RBFOX1: variants seen among roughly 807,000 people sequenced by gnomAD.
RBFOX1 encodes the protein RNA binding protein fox-1 homolog 1.
Under a neutral mutation model 57.7 loss-of-function variants are expected in RBFOX1, and 8 were observed. The observed-to-expected ratio is 0.14, with a 90% CI of 0.08 to 0.25. RBFOX1 has a LOEUF of 0.25. Ranked by LOEUF, RBFOX1 falls within the 10% of genes least tolerant of loss-of-function variation. The probability of loss-of-function intolerance (pLI) is 1.00; values close to 1 mark genes in which losing one functional copy is unlikely to be tolerated. For missense variants in RBFOX1, 611 were observed against 548.5 expected (o/e 1.11, Z -1.14); for synonymous variants, 326 against 222.4 (o/e 1.47, Z -4.15).
At chr16:6,073,434 T>A (rs771192480) in intron 1 of RBFOX1, among the ~76,000 whole-genome samples, 2 of 152,218 alleles carry the variant, frequency 1.3e-5, no homozygotes, top group Non-Finnish European at 2.9e-5. Context: ...ATGTGGCATT[T>A]GGGAACTGAA....
rs565643286 is a variant in RBFOX1 at position 6,195,158 on chromosome 16, A to G, written c.-126-121837A>G. ...AGATGGCTTAAGAAAGGTATTAATC[A>G]TACGACATATTTTCCTTTATAAAAT... On this transcript the variant is annotated intron_variant, in intron 1 of 15. Transcript: ENST00000550418. 1.4e-4 allele frequency among the ~76,000 whole-genome samples: 22 copies of G among 152,342 alleles called. No homozygotes were observed. The South Asian group carries it at 4.3e-3, about 30-fold the overall frequency.
chr16:7,391,068 A>G (rs960703167), intron 4 of RBFOX1, among the ~76,000 whole-genome samples: 34 of 152,102 alleles, frequency 2.2e-4, no homozygotes, highest in Admixed American at 1.0e-3. Context: ...TTCTGCTCCT[A>G]GTCCTTAAGA....
intron 3 of RBFOX1, among the ~76,000 whole-genome samples, chr16:6,901,102 G>C (rs557307608): frequency 6.6e-6 from 1 of 152,254 alleles, no homozygotes; most frequent in South Asian, 2.1e-4. Context: ...ACCCTGTATT[G>C]TAAATTTCCT....
chr16:7,548,994 C>T (rs768606621), intron 5 of RBFOX1, among the ~76,000 whole-genome samples: 15 of 152,166 alleles, frequency 9.9e-5, no homozygotes, highest in Non-Finnish European at 1.9e-4. Flanking sequence ...CGAAGAAACA[C>T]ATCAGAGTAA....
intron 4 of RBFOX1, among the ~76,000 whole-genome samples, chr16:7,361,944 G>T (rs1302924744): frequency 6.6e-6 from 1 of 151,450 alleles, no homozygotes; most frequent in Non-Finnish European, 1.5e-5. Flanking sequence ...GTATGTGTGT[G>T]CATGTTTTGT....
chr16:5,747,562 G>A (rs908587064), intron 3 of RBFOX1, among the ~76,000 whole-genome samples: 1 of 152,156 alleles, frequency 6.6e-6, no homozygotes, highest in Non-Finnish European at 1.5e-5. Flanking sequence ...TTGAGAGCCT[G>A]TGATTCGTCT....
At chr16:5,664,726 C>G (rs1048709159) in intron 3 of RBFOX1, among the ~76,000 whole-genome samples, 3 of 152,142 alleles carry the variant, frequency 2.0e-5, no homozygotes, top group Non-Finnish European at 2.9e-5. Context: ...GAAATACTGA[C>G]TCTTGGTCCA....
intron 5 of RBFOX1, among the ~76,000 whole-genome samples, chr16:7,533,363 C>T (rs906386303): frequency 6.6e-6 from 1 of 152,132 alleles, no homozygotes; most frequent in African/African-American, 2.4e-5. Flanking sequence ...AGAAATACAA[C>T]ATTTTCTTCC....
chr16:7,205,001 C>G (rs145586026), intron 4 of RBFOX1, among the ~76,000 whole-genome samples: 145 of 152,314 alleles, frequency 9.5e-4, no homozygotes, highest in African/African-American at 3.3e-3. Flanking sequence ...TTATCCTACA[C>G]TCTCTTTTCC....
chr16:7,246,173 C>G (rs778432571), intron 4 of RBFOX1, among the ~76,000 whole-genome samples: 2 of 152,150 alleles, frequency 1.3e-5, no homozygotes, highest in Admixed American at 6.5e-5. Flanking sequence ...GAAGCCAAGA[C>G]TAATTTAGAA....
chr16:7,253,388 A>G (rs1249876851), intron 4 of RBFOX1, among the ~76,000 whole-genome samples: 1 of 152,010 alleles, frequency 6.6e-6, no homozygotes, highest in African/African-American at 2.4e-5. Context: ...ACTGCTTTGC[A>G]TGGTGTTCTC....
intron 4 of RBFOX1, among the ~76,000 whole-genome samples, chr16:7,265,081 C>G (rs2095074597): frequency 1.3e-5 from 2 of 152,234 alleles, no homozygotes; most frequent in South Asian, 4.1e-4. Context: ...CTCCCAGACC[C>G]TTTGTTCTAG....
At position 5,596,253 on chromosome 16, in the gene RBFOX1, C is replaced by G. The variant is rs180865409; in HGVS notation, c.259-2649C>G. Among the ~76,000 whole-genome samples the G allele has an allele frequency of 1.9e-3, 290 of 152,278 alleles. 1 individual carries two copies. Among genetic ancestry groups the G allele is most frequent in the South Asian group, 3.5e-3 (17 of 4,820 alleles). ...GTGTGAGTCCTAACTTGTCTATTTCCAGGCTCTGGGATACTGGTTGCCTAG... is the reference window on the plus strand; with the variant it reads ...GTGTGAGTCCTAACTTGTCTATTTCGAGGCTCTGGGATACTGGTTGCCTAG... On this transcript the variant is annotated intron_variant, in intron 2 of 2. Transcript: ENST00000585867.
rs2046042482 is a variant in RBFOX1 at position 7,041,139 on chromosome 16, T to A, written c.-15-10918T>A. ...TTAGTAAATACGGGGTTTCACCATG[T>A]TGGTCAGGCTGGTGTCGAACATCTG... On this transcript the variant is annotated intron_variant, in intron 3 of 15. Transcript: ENST00000550418. Among the ~76,000 whole-genome samples, 8 of 148,978 alleles carry A rather than the reference T, an allele frequency of 5.4e-5. No individual in the cohort carries two copies. In the Admixed American group the frequency reaches 5.4e-4, roughly 10 times the overall value.
intron 3 of RBFOX1, among the ~76,000 whole-genome samples, chr16:6,839,831 T>C (rs2141391735): frequency 6.6e-6 from 1 of 152,354 alleles, no homozygotes; most frequent in East Asian, 1.9e-4. Context: ...CTCATAGCTA[T>C]AATCATACCT....
At chr16:7,332,819 C>A (rs1355935141) in intron 4 of RBFOX1, 2 of 1,419,658 alleles carry the variant, frequency 1.4e-6, no homozygotes, top group Admixed American at 2.8e-5. Flanking sequence ...AAAACTTTCA[C>A]ATTAAGAGTT....
chr16:7,303,505 C>T (rs2096083569), intron 4 of RBFOX1, among the ~76,000 whole-genome samples: 1 of 152,238 alleles, frequency 6.6e-6, no homozygotes, highest in South Asian at 2.1e-4. Flanking sequence ...GCTCGCTCGC[C>T]TGCTCACCGG....
intron 1 of RBFOX1, among the ~76,000 whole-genome samples, chr16:6,249,442 T>G (rs1350777905): frequency 2.0e-5 from 3 of 152,128 alleles, no homozygotes; most frequent in South Asian, 4.1e-4. Flanking sequence ...GAGAATAGCT[T>G]GAACCCGGGA....
chr16:5,505,220 C>T (rs576022579), intron 2 of RBFOX1, among the ~76,000 whole-genome samples: 1 of 152,200 alleles, frequency 6.6e-6, no homozygotes, highest in Non-Finnish European at 1.5e-5. Context: ...CCCTTCTCCT[C>T]TACTTAAAAC....
Sources: allele counts gnomAD v4.1 joint callset (sites outside exome capture counted in the v4.1 genomes callset), GRCh38; gene constraint gnomAD v4.1.1; transcripts MANE v1.5; gene names NCBI Gene and HGNC (gene_info 2026-07-23, HGNC 2026-07-21).